Variants in VAPB observed in about 807,000 individuals in gnomAD.
VAPB encodes vesicle-associated membrane protein-associated protein B/C.
In VAPB, 7 loss-of-function variants were observed where a neutral mutation model predicts 25.6. The ratio of observed to expected loss-of-function variants is 0.27; its 90% confidence interval spans 0.16 to 0.51. VAPB has a LOEUF of 0.51. VAPB is among the 20% of genes least tolerant of loss of function. VAPB has a pLI of 0.97. For synonymous variants in VAPB, 112 were observed against 109.2 expected, an observed-to-expected ratio of 1.03 and a Z score of -0.16; for missense variants, 266 against 301.3, an observed-to-expected ratio of 0.88 and a Z score of 0.87.
intron 2 of VAPB, among the ~76,000 whole-genome samples, chr20:58,426,281 T>C (rs79873474): frequency 0.078 from 11,818 of 152,214 alleles, 740 homozygotes; most frequent in East Asian, 0.26. Flanking sequence ...CACTGTAGCC[T>C]CAAATTTCTG....
chr20:58,429,172 T>C (rs1988873254), intron 2 of VAPB, among the ~76,000 whole-genome samples: 1 of 152,104 alleles, frequency 6.6e-6, no homozygotes, highest in Non-Finnish European at 1.5e-5. Flanking sequence ...AGAAAACTTT[T>C]CTCAGATCAA....
At chr20:58,426,948 G>C (rs192301280) in intron 2 of VAPB, among the ~76,000 whole-genome samples, 1 of 152,356 alleles carries the variant, frequency 6.6e-6, no homozygotes, top group East Asian at 1.9e-4. Flanking sequence ...TTATAATGCA[G>C]ACGAAAGTGA....
At position 58,446,963 on chromosome 20, in the gene VAPB, G is replaced by C. The variant is rs1568724027; in HGVS notation, c.*2728G>C. 2.2e-6 allele frequency: 1 copy of C among 454,116 alleles called. No homozygotes were observed. The allele number at this position is 454,116 out of a possible 1,614,324, so 28.1% of individuals were successfully genotyped here. A position where few individuals can be genotyped will look rare whatever the true frequency, so the allele number is the denominator to read the frequency against. On this transcript the variant is annotated 3_prime_UTR_variant, in exon 6 of 6. Transcript: ENST00000475243. ...AATATGGGGCCTGTCACAACGGCCTGCCCTGCCCCAAGAGGGTTAAGAGTC... is the reference window on the plus strand; with the variant it reads ...AATATGGGGCCTGTCACAACGGCCTCCCCTGCCCCAAGAGGGTTAAGAGTC...
chr20:58,444,661 G>GTA lies in VAPB; in HGVS notation c.*427_*428dup. On this transcript the variant is annotated 3_prime_UTR_variant, in exon 6 of 6. Coordinates refer to ENST00000475243, the MANE Select transcript of VAPB (RefSeq NM_004738.5). ...TGGGGAGTGCGGTCAGCTCCACACA[G>GTA]TAGTCCCCACGTGGCCCACTCCCGG... is the stretch of plus-strand genomic sequence containing the variant. 3 of 454,652 alleles carry GTA rather than the reference G, an allele frequency of 6.6e-6. No individual in the cohort carries two copies. Among genetic ancestry groups the GTA allele is most frequent in the South Asian group, 3.1e-5 (2 of 64,490 alleles). The allele number at this position is 454,652 out of a possible 1,614,324, so 28.2% of individuals were successfully genotyped here.
At chr20:58,395,440 C>T (rs559540167) in intron 1 of VAPB, among the ~76,000 whole-genome samples, 2 of 152,158 alleles carry the variant, frequency 1.3e-5, no homozygotes, top group East Asian at 1.9e-4. Flanking sequence ...TGAGCCTCTG[C>T]GCCAGGCCAA....
chr20:58,434,471 C>T, intron 2 of VAPB, 131 bp from the exon 3 acceptor site: 1 of 680,702 alleles, frequency 1.5e-6, no homozygotes, highest in Non-Finnish European at 2.7e-6. Flanking sequence ...GCTTACTTCA[C>T]CAGGGGCGTC....
At chr20:58,420,931 A>G (rs551089939) in intron 2 of VAPB, among the ~76,000 whole-genome samples, 2 of 152,324 alleles carry the variant, frequency 1.3e-5, no homozygotes, top group Admixed American at 6.5e-5. Flanking sequence ...TCCTCTTGGT[A>G]TTAATACAGC....
intron 1 of VAPB, among the ~76,000 whole-genome samples, chr20:58,398,526 C>T (rs1452975234): frequency 1.3e-5 from 2 of 151,784 alleles, no homozygotes; most frequent in African/African-American, 4.9e-5. Flanking sequence ...AAGGCCTAGC[C>T]CTTAAAGTTT....
chr20:58,391,537 GTTT>G (rs113514014), intron 1 of VAPB, among the ~76,000 whole-genome samples: 1 of 145,676 alleles, frequency 6.9e-6, no homozygotes, highest in Non-Finnish European at 1.5e-5. Context: ...GCCACTAGTA[GTTT>G]TTTTTTTTTT....
At position 58,449,646 on chromosome 20, in the gene VAPB, C is replaced by G. The variant is rs1016309513; in HGVS notation, c.*5411C>G. ...GAATAAAACAGTACTGTGGGAGAATCGCTTTCTGCTGCTAGATAAATGCTG... is the reference window on the plus strand; with the variant it reads ...GAATAAAACAGTACTGTGGGAGAATGGCTTTCTGCTGCTAGATAAATGCTG... On this transcript the variant is annotated 3_prime_UTR_variant, in exon 6 of 6. Coordinates refer to ENST00000475243, the MANE Select transcript of VAPB (RefSeq NM_004738.5). 2.2e-6 allele frequency: 1 copy of G among 453,972 alleles called. No individual in the cohort carries two copies. The highest frequency in any genetic ancestry group is 2.3e-5 in the Admixed American group (1 of 42,564). The allele number at this position is 453,972 out of a possible 1,614,324, so 28.1% of individuals were successfully genotyped here.
At chr20:58,443,906 A>G (rs1459019360) in intron 5 of VAPB, among the ~76,000 whole-genome samples, 171 bp from the exon 6 acceptor site, 1 of 152,212 alleles carries the variant, frequency 6.6e-6, no homozygotes, top group East Asian at 1.9e-4. Flanking sequence ...CAGTGGCTTC[A>G]GGCTAGCCCT....
At chr20:58,434,813 A>G (rs1989004810) in intron 3 of VAPB, 108 bp downstream of exon 3, 3 of 677,142 alleles carry the variant, frequency 4.4e-6, no homozygotes, top group Admixed American at 2.2e-5. Context: ...ATTATTTAAA[A>G]GGGAATAGTT....
At chr20:58,407,613 G>T (rs4239679) in intron 1 of VAPB, among the ~76,000 whole-genome samples, 1 of 151,650 alleles carries the variant, frequency 6.6e-6, no homozygotes, top group East Asian at 1.9e-4. Context: ...ATAATTTATG[G>T]CATGTCTGTA....
rs72626600 is a variant in VAPB at position 58,427,758 on chromosome 20, A to C, written c.212-6844A>C. Reference sequence around the variant, plus strand: ...AAGTGATCTGTGATCTGTTACCATTATGATGCAGATGAAAGTGATCTGTGA... The same window carrying C: ...AAGTGATCTGTGATCTGTTACCATTCTGATGCAGATGAAAGTGATCTGTGA... On this transcript the variant is annotated intron_variant, in intron 2 of 5. Coordinates refer to ENST00000475243, the MANE Select transcript of VAPB (RefSeq NM_004738.5). 4.0e-3 allele frequency among the ~76,000 whole-genome samples: 613 copies of C among 152,026 alleles called. 11 individuals carry two copies. The East Asian group carries it at 0.08, about 20-fold the overall frequency.
chr20:58,433,023 T>A (rs1218322527), intron 2 of VAPB, among the ~76,000 whole-genome samples: 1 of 152,244 alleles, frequency 6.6e-6, no homozygotes, highest in Admixed American at 6.5e-5. Context: ...CCAGTGCATT[T>A]AAGTCCAATG....
intron 1 of VAPB, 63 bp from the exon 2 acceptor site, chr20:58,418,148 T>C: frequency 6.2e-7 from 1 of 1,608,372 alleles, no homozygotes; most frequent in East Asian, 2.2e-5. Flanking sequence ...ACAGCTCTCT[T>C]TTCCACAAAC....
intron 1 of VAPB, among the ~76,000 whole-genome samples, chr20:58,403,324 C>T (rs1262409839): frequency 6.6e-6 from 1 of 152,196 alleles, no homozygotes; most frequent in African/African-American, 2.4e-5. Context: ...TGCTGTCTCA[C>T]TTTTCTCTTG....
Position 58,444,390 on chromosome 20 carries a change from T to C in VAPB, c.*155T>C, listed in dbSNP as rs1568721744. On this transcript the variant is annotated 3_prime_UTR_variant, in exon 6 of 6. Coordinates refer to ENST00000475243, the MANE Select transcript of VAPB (RefSeq NM_004738.5). The stretch of plus-strand genomic sequence containing the variant: ...CCCTCCCTGCACACACATACACAGA[T>C]ACACACACACAAATATAATGTAACG... 3 of 969,758 alleles carry C rather than the reference T, an allele frequency of 3.1e-6. No homozygotes were observed. Among genetic ancestry groups the C allele is most frequent in the Non-Finnish European group, 3.3e-6 (2 of 611,712 alleles). 60.1% of individuals were successfully genotyped at this position (969,758 alleles called of 1,614,324 possible). A position where few individuals can be genotyped will look rare whatever the true frequency, so the allele number is the denominator to read the frequency against.
At chr20:58,420,101 T>C (rs1195626523) in intron 2 of VAPB, among the ~76,000 whole-genome samples, 8 of 152,116 alleles carry the variant, frequency 5.3e-5, no homozygotes, top group Admixed American at 5.2e-4. Context: ...TTCTCTTGCC[T>C]CAGCCTCCCG....
Sources: gnomAD v4.1 joint callset for allele counts (sites outside exome capture counted in the v4.1 genomes callset) on GRCh38, gnomAD v4.1.1 for gene constraint, MANE v1.5 for transcripts, NCBI Gene and HGNC (gene_info 2026-07-23, HGNC 2026-07-21) for gene names.